Variants in ARID1B observed in about 807,000 individuals in gnomAD.
The protein encoded by ARID1B is AT-rich interactive domain-containing protein 1B.
ARID1B carries 30 observed loss-of-function variants against 212.3 expected under a neutral mutation model. The observed-to-expected ratio is 0.14, with a 90% CI of 0.11 to 0.19. ARID1B has a LOEUF of 0.19. ARID1B is among the 10% of genes least tolerant of loss of function. The pLI is 1.00. For missense variants in ARID1B, 2,891 were observed against 3,204.0 expected, an observed-to-expected ratio of 0.90 and a Z score of 2.36; for synonymous variants, 1,402 against 1,301.7, an observed-to-expected ratio of 1.08 and a Z score of -1.66.
rs1259041415 is a variant in ARID1B at position 157,094,273 on chromosome 6, G to A, written c.2491+9368G>A. Among the ~76,000 whole-genome samples the A allele has an allele frequency of 6.6e-6, 1 of 152,170 alleles. No homozygotes were observed. Among genetic ancestry groups the A allele is most frequent in the Admixed American group, 6.5e-5 (1 of 15,282 alleles). ...AGTGTAGCCACAGCATAGTGGTCACGGGCAATGGAGCAGAATGTGTGGGCA... is the reference window on the plus strand; with the variant it reads ...AGTGTAGCCACAGCATAGTGGTCACAGGCAATGGAGCAGAATGTGTGGGCA... On this transcript the variant is annotated intron_variant, in intron 5 of 19. Coordinates refer to ENST00000636930, the MANE Select transcript of ARID1B (RefSeq NM_001374828.1). The surrounding 1 kb of genome is among the most constrained non-coding windows in gnomAD (Gnocchi z 4.3).
chr6:156,948,406 G>A (rs914530661), intron 4 of ARID1B, among the ~76,000 whole-genome samples: 1 of 152,130 alleles, frequency 6.6e-6, no homozygotes, highest in East Asian at 1.9e-4. Flanking sequence ...AGAGATGGGG[G>A]GGCAGTGGGT....
At chr6:157,149,408 C>T (rs1285307176) in intron 8 of ARID1B, 1 of 177,978 alleles carries the variant, frequency 5.6e-6, no homozygotes, top group Non-Finnish European at 1.2e-5. Flanking sequence ...CGTATGTATA[C>T]ATACGTGTAT....
chr6:157,083,960 C>G (rs970383909), intron 4 of ARID1B, among the ~76,000 whole-genome samples: 1 of 151,806 alleles, frequency 6.6e-6, no homozygotes, highest in Non-Finnish European at 1.5e-5. Flanking sequence ...ATGGTGAAAC[C>G]CCGTCTCTAT....
At position 156,879,418 on chromosome 6, in the gene ARID1B, G is replaced by A. The variant is rs374410006; in HGVS notation, c.1987-21958G>A. Among the ~76,000 whole-genome samples, 50 of 151,830 alleles carry A rather than the reference G, an allele frequency of 3.3e-4. No homozygotes were observed. In the South Asian group the frequency reaches 9.4e-3, roughly 28 times the overall value. ...AGTGGAATTTACAATCACTTTTGTGGCTGTGCCCCACAGCTCTACACTCTG... is the reference window on the plus strand; with the variant it reads ...AGTGGAATTTACAATCACTTTTGTGACTGTGCCCCACAGCTCTACACTCTG... On this transcript the variant is annotated intron_variant, in intron 2 of 19. Transcript: ENST00000636930.
intron 4 of ARID1B, among the ~76,000 whole-genome samples, chr6:156,962,677 T>TCTTCC (rs1794471083): frequency 6.6e-6 from 1 of 152,092 alleles, no homozygotes; most frequent in South Asian, 2.1e-4. Flanking sequence ...TAGAGATGGA[T>TCTTCC]CTTCCCATGT....
At chr6:156,795,655 G>C (rs1402654968) in intron 1 of ARID1B, among the ~76,000 whole-genome samples, 3 of 152,092 alleles carry the variant, frequency 2.0e-5, no homozygotes, top group Non-Finnish European at 4.4e-5. Flanking sequence ...GTGGTGTTAG[G>C]AGGTTGTGGA....
chr6:157,087,145 G>A (rs1785014477), intron 5 of ARID1B, among the ~76,000 whole-genome samples: 2 of 152,156 alleles, frequency 1.3e-5, no homozygotes, highest in South Asian at 4.1e-4. Flanking sequence ...AGGAAATTAG[G>A]CAGCAAAAGC....
chr6:157,189,524 T>G, intron 13 of ARID1B, 118 bp from the exon 14 acceptor site: 3 of 1,210,716 alleles, frequency 2.5e-6, no homozygotes, highest in Non-Finnish European at 3.4e-6. Flanking sequence ...TTACTGTTTC[T>G]AATAAGATGG....
At chr6:156,878,097 G>T (rs1334340931) in intron 2 of ARID1B, among the ~76,000 whole-genome samples, 17 of 152,048 alleles carry the variant, frequency 1.1e-4, no homozygotes, top group Admixed American at 1.1e-3. Flanking sequence ...TCAGGCGGTT[G>T]CCCTTCCTCA....
chr6:157,055,875 A>C (rs933585652), intron 4 of ARID1B, among the ~76,000 whole-genome samples: 1 of 152,112 alleles, frequency 6.6e-6, no homozygotes, highest in Non-Finnish European at 1.5e-5. Flanking sequence ...ATCATGCCGC[A>C]TGCTAACCCA....
intron 2 of ARID1B, among the ~76,000 whole-genome samples, chr6:156,878,079 A>G (rs977345175): frequency 3.9e-5 from 6 of 152,022 alleles, no homozygotes; most frequent in African/African-American, 9.7e-5. Flanking sequence ...CTCACTCTAC[A>G]TACTTGATCA....
At chr6:156,810,407 T>A (rs959426964) in intron 1 of ARID1B, among the ~76,000 whole-genome samples, 4 of 152,186 alleles carry the variant, frequency 2.6e-5, no homozygotes, top group Non-Finnish European at 4.4e-5. Flanking sequence ...CCTGGGAGGT[T>A]GAGGAACTTG....
In ARID1B at chr6:157,206,050, C is replaced by T. The variant is rs1216543675; in HGVS notation, c.5395-117C>T. 30 of 1,156,304 alleles carry T rather than the reference C, an allele frequency of 2.6e-5. No individual in the cohort carries two copies. Among genetic ancestry groups the T allele is most frequent in the Middle Eastern group, 2.8e-4 (1 of 3,530 alleles). 71.6% of individuals were successfully genotyped at this position (1,156,304 alleles called of 1,614,324 possible). A position where few individuals can be genotyped will look rare whatever the true frequency, so the allele number is the denominator to read the frequency against. On this transcript the variant is annotated intron_variant, in intron 19 of 19. Transcript: ENST00000636930. This position sits in a 1 kb window ranked among gnomAD's most constrained non-coding sequence, Gnocchi z 6.8. The stretch of plus-strand genomic sequence containing the variant: ...TGGTCCAGCCAAAAAGGGAGACAAA[C>T]GTGTGACAATGATGGAAAGGTATTG...
At chr6:156,850,211 G>A (rs1784491874) in intron 2 of ARID1B, among the ~76,000 whole-genome samples, 1 of 151,982 alleles carries the variant, frequency 6.6e-6, no homozygotes, top group Non-Finnish European at 1.5e-5. Flanking sequence ...AAATGGAAAA[G>A]ATGGGACGGA....
chr6:156,924,552 C>G (rs1171567959), intron 3 of ARID1B, among the ~76,000 whole-genome samples: 1 of 152,210 alleles, frequency 6.6e-6, no homozygotes, highest in Non-Finnish European at 1.5e-5. Context: ...GATTGCCTCA[C>G]AAAGGGAGGA....
At chr6:156,908,282 A>G (rs1257922731) in intron 3 of ARID1B, among the ~76,000 whole-genome samples, 1 of 152,190 alleles carries the variant, frequency 6.6e-6, no homozygotes, top group African/African-American at 2.4e-5. Flanking sequence ...GTATTGCTAT[A>G]TATATATTCC....
chr6:157,094,801 G>C lies in ARID1B; in HGVS notation c.2491+9896G>C, dbSNP rs1162766517. ...GAAGGTGGGAGCAGAGACATCGGAG[G>C]CTCCTGCAGTAACCACGCGGAGTGT... is the stretch of plus-strand genomic sequence containing the variant. On this transcript the variant is annotated intron_variant, in intron 5 of 19. Coordinates refer to ENST00000636930, the MANE Select transcript of ARID1B (RefSeq NM_001374828.1). This position sits in a 1 kb window ranked among gnomAD's most constrained non-coding sequence, Gnocchi z 4.3. Among the ~76,000 whole-genome samples the C allele has an allele frequency of 6.6e-6, 1 of 152,184 alleles. No homozygotes were observed. The highest frequency in any genetic ancestry group is 1.5e-5 in the Non-Finnish European group (1 of 68,042).
intron 2 of ARID1B, among the ~76,000 whole-genome samples, chr6:156,847,565 G>A (rs963348289): frequency 1.3e-5 from 2 of 152,190 alleles, no homozygotes; most frequent in Non-Finnish European, 2.9e-5. Context: ...TGAGATAGAC[G>A]ATGGGAAGGA....
intron 15 of ARID1B, 141 bp from the exon 16 acceptor site, chr6:157,196,024 G>A: frequency 9.6e-7 from 1 of 1,044,364 alleles, no homozygotes; most frequent in Non-Finnish European, 1.4e-6. Flanking sequence ...TCACACCACT[G>A]CATTAGCCTG....
Sources: gnomAD v4.1 joint callset for allele counts (sites outside exome capture counted in the v4.1 genomes callset) on GRCh38, gnomAD v4.1.1 for gene constraint, Gnocchi (gnomAD v3.1) non-coding constraint, MANE v1.5 for transcripts, NCBI Gene and HGNC (gene_info 2026-07-23, HGNC 2026-07-21) for gene names.